The following PPP1R37 variants were observed in gnomAD, a reference collection of about 807,000 sequenced individuals.
PPP1R37 encodes protein phosphatase 1 regulatory subunit 37.
PPP1R37 carries 21 observed loss-of-function variants against 61.0 expected under a neutral mutation model. The ratio of observed to expected loss-of-function variants is 0.34; its 90% CI spans 0.24 to 0.50. The LOEUF (loss-of-function observed/expected upper bound fraction) is 0.50, where lower values mean the gene tolerates loss of function less well. PPP1R37 is among the 20% of genes least tolerant of loss of function. The pLI is 0.98. For missense variants in PPP1R37, 910 were observed against 952.7 expected, an observed-to-expected ratio of 0.96 and a Z score of 0.59; for synonymous variants, 443 against 433.5, an observed-to-expected ratio of 1.02 and a Z score of -0.27.
intron 4 of PPP1R37, 98 bp from the exon 5 acceptor site, chr19:45,141,224 G>A (rs111922096): frequency 1.2e-5 from 16 of 1,372,872 alleles, no homozygotes; most frequent in Non-Finnish European, 1.5e-5. Context: ...TCCAGACCCT[G>A]GACCCATCGT....
intron 1 of PPP1R37, among the ~76,000 whole-genome samples, chr19:45,115,842 C>T (rs770445258): frequency 3.9e-5 from 6 of 151,924 alleles, no homozygotes; most frequent in African/African-American, 1.2e-4. Flanking sequence ...GGTGTGGTGG[C>T]GGGTGCCTAT....
At chr19:45,116,664 A>AC (rs1968271583) in intron 1 of PPP1R37, among the ~76,000 whole-genome samples, 1 of 152,228 alleles carries the variant, frequency 6.6e-6, no homozygotes, top group Non-Finnish European at 1.5e-5. Context: ...GGAAGGGTGG[A>AC]CGTTGTCTTC....
chr19:45,097,526 A>C (rs75788243), intron 1 of PPP1R37, among the ~76,000 whole-genome samples: 2 of 151,516 alleles, frequency 1.3e-5, no homozygotes, highest in African/African-American at 4.9e-5. Context: ...GGGGGTGTCT[A>C]CCTGAGGGTG....
chr19:45,100,804 G>C (rs1285807813), intron 1 of PPP1R37, among the ~76,000 whole-genome samples: 1 of 152,186 alleles, frequency 6.6e-6, no homozygotes, highest in Non-Finnish European at 1.5e-5. Context: ...GGGCACGCAG[G>C]AGGGGGTCAC....
chr19:45,143,735 C>T (rs1189268931), intron 8 of PPP1R37, 102 bp downstream of exon 8: 2 of 640,076 alleles, frequency 3.1e-6, no homozygotes, highest in Admixed American at 2.5e-5. Flanking sequence ...CCTGTCCTGC[C>T]CATCCTGCAG....
Position 45,125,158 on chromosome 19 carries a change from C to T in PPP1R37, c.203-13356C>T, listed in dbSNP as rs77235033. 8.3e-3 allele frequency among the ~76,000 whole-genome samples: 1,261 copies of T among 152,204 alleles called. 15 individuals are homozygous for T. Among genetic ancestry groups the T allele is most frequent in the African/African-American group, 0.027 (1,137 of 41,528 alleles). On this transcript the variant is annotated intron_variant, in intron 1 of 12. Coordinates refer to ENST00000221462, the MANE Select transcript of PPP1R37 (RefSeq NM_019121.2). ...TCAGGCACAGTATCTCTTTATCAAA[C>T]AATATCTCTTTAATCTCTGAGCTTG...
At position 45,145,271 on chromosome 19, in the gene PPP1R37, G is replaced by A. The variant is rs1279604708; in HGVS notation, c.1296+11G>A. ...CCCAAGAAAGAGGCGGTGAGCAGGG[G>A]ACGGTCCTGCAGCCCTGGGGCGGGC... On this transcript the variant is annotated intron_variant, in intron 10 of 12. Coordinates refer to ENST00000221462, the MANE Select transcript of PPP1R37 (RefSeq NM_019121.2). 3.9e-6 allele frequency: 6 copies of A among 1,529,428 alleles called. No homozygotes were observed. The highest frequency in any genetic ancestry group is 5.2e-6 in the Non-Finnish European group (6 of 1,143,214). The allele number at this position is 1,529,428 out of a possible 1,614,324, so 94.7% of individuals were successfully genotyped here.
intron 1 of PPP1R37, among the ~76,000 whole-genome samples, chr19:45,118,052 C>T (rs1968293126): frequency 6.6e-6 from 1 of 152,230 alleles, no homozygotes. Flanking sequence ...TTCATTTTTC[C>T]CAAGGAGTCA....
intron 1 of PPP1R37, among the ~76,000 whole-genome samples, chr19:45,134,982 G>T (rs989774813): frequency 1.3e-5 from 2 of 152,174 alleles, no homozygotes; most frequent in African/African-American, 4.8e-5. Flanking sequence ...GGGCACGGTG[G>T]CTCACGCCTG....
intron 1 of PPP1R37, among the ~76,000 whole-genome samples, chr19:45,104,710 C>G (rs1599690556): frequency 6.6e-6 from 1 of 152,140 alleles, no homozygotes; most frequent in African/African-American, 2.4e-5. Context: ...GATCTAGTGT[C>G]CCTGCAACAG....
intron 1 of PPP1R37, among the ~76,000 whole-genome samples, chr19:45,096,873 G>A (rs954120552): frequency 6.6e-6 from 1 of 152,190 alleles, no homozygotes; most frequent in Non-Finnish European, 1.5e-5. Flanking sequence ...AGGGCTTGAG[G>A]AGTTGGCTTG....
At chr19:45,116,969 A>G (rs1433712668) in intron 1 of PPP1R37, among the ~76,000 whole-genome samples, 2 of 146,240 alleles carry the variant, frequency 1.4e-5, no homozygotes, top group African/African-American at 2.5e-5. Context: ...GCTGGAGTGC[A>G]GTGGCACGAT....
Position 45,145,630 on chromosome 19 carries a change from A to G in PPP1R37, c.1574A>G (p.Glu525Gly). ...GAGGAAGAGGAAGGGGAGAGGGACGAGACCCCCTGTCCTGCCCTGGTGCCC... is the reference window on the plus strand; with the variant it reads ...GAGGAAGAGGAAGGGGAGAGGGACGGGACCCCCTGTCCTGCCCTGGTGCCC... ...EEEEEEGERDETPCPALVPPT... is the reference protein window; with the variant it reads ...EEEEEEGERDGTPCPALVPPT... Residue 525 changes from glutamate (E) to glycine (G), a missense_variant, in exon 11 of 13, where the codon GAG (glutamate) becomes GGG (glycine). Physicochemically the swap from Glu to Gly is moderately conservative, Grantham distance 98. This residue lies in a region of PPP1R37 where 549 missense variants were observed against 505.1 expected (regional missense o/e 1.09). Transcript: ENST00000221462. 1.3e-6 allele frequency: 2 copies of G among 1,535,828 alleles called. No homozygotes were observed. The highest frequency in any genetic ancestry group is 2.4e-5 in the East Asian group (1 of 40,872).
At chr19:45,101,788 G>C (rs2122709328) in intron 1 of PPP1R37, among the ~76,000 whole-genome samples, 1 of 152,334 alleles carries the variant, frequency 6.6e-6, no homozygotes, top group South Asian at 2.1e-4. Flanking sequence ...AATAGGGTGA[G>C]ACTGAGACAG....
At position 45,138,626 on chromosome 19, in the gene PPP1R37, G is replaced by A; in HGVS notation, c.300+15G>A. The A allele has an allele frequency of 7.1e-7, 1 of 1,415,052 alleles. No homozygotes were observed. Among genetic ancestry groups the A allele is most frequent in the Non-Finnish European group, 9.6e-7 (1 of 1,037,464 alleles). The allele number at this position is 1,415,052 out of a possible 1,614,324, so 87.7% of individuals were successfully genotyped here. A position where few individuals can be genotyped will look rare whatever the true frequency, so the allele number is the denominator to read the frequency against. On this transcript the variant is annotated intron_variant, in intron 2 of 12. Transcript: ENST00000221462. ...GGCAGCTGCAGGTATGGGCGGGACA[G>A]GGTGGGTGCGTCCGGTGTGGGTGTC...
intron 1 of PPP1R37, among the ~76,000 whole-genome samples, chr19:45,094,362 GTC>G (rs1967964695): frequency 5.9e-5 from 9 of 152,334 alleles, no homozygotes; most frequent in African/African-American, 1.9e-4. Context: ...AAGGAAGGCT[GTC>G]AGTCATTCAG....
At chr19:45,126,892 C>T (rs1265190174) in intron 1 of PPP1R37, among the ~76,000 whole-genome samples, 4 of 152,348 alleles carry the variant, frequency 2.6e-5, no homozygotes, top group East Asian at 1.9e-4. Context: ...ACCAGGAGCA[C>T]GGCCTGTGGC....
intron 1 of PPP1R37, among the ~76,000 whole-genome samples, chr19:45,093,924 T>C (rs1478968886): frequency 6.6e-6 from 1 of 152,096 alleles, no homozygotes; most frequent in African/African-American, 2.4e-5. Context: ...TTGAAAGAGT[T>C]TGATGGGTCT....
chr19:45,105,813 G>A (rs929229617), intron 1 of PPP1R37, among the ~76,000 whole-genome samples: 1 of 152,192 alleles, frequency 6.6e-6, no homozygotes, highest in Non-Finnish European at 1.5e-5. Flanking sequence ...GGTCAGGCCC[G>A]GGGCTTTCTC....
Sources: allele counts gnomAD v4.1 joint callset (sites outside exome capture counted in the v4.1 genomes callset), GRCh38; gene constraint gnomAD v4.1.1; regional missense constraint gnomAD v4.1.1; transcripts MANE v1.5; gene names NCBI Gene and HGNC (gene_info 2026-07-23, HGNC 2026-07-21).